The following IFRD1 variants were observed in gnomAD, a reference collection of about 807,000 sequenced individuals.
IFRD1 encodes interferon-related developmental regulator 1.
IFRD1 carries 35 observed loss-of-function variants against 52.9 expected under a neutral mutation model. The observed-to-expected ratio is 0.66, with a 90% CI of 0.51 to 0.88. The LOEUF (loss-of-function observed/expected upper bound fraction) is 0.88, where lower values mean the gene tolerates loss of function less well. Ranked by LOEUF, IFRD1 falls within the 40% of genes least tolerant of loss-of-function variation. The pLI is 0.00. For missense variants in IFRD1, 517 were observed against 550.8 expected (o/e 0.94, Z 0.61); for synonymous variants, 184 against 188.4 (o/e 0.98, Z 0.19).
chr7:112,447,908 TAAGTA>T (rs1267540846), upstream of IFRD1, among the ~76,000 whole-genome samples: 1 of 135,354 alleles, frequency 7.4e-6, no homozygotes, highest in East Asian at 1.9e-4. Flanking sequence ...TTTGTAGTGA[TAAGTA>T]GTTTCTCCCT....
At chr7:112,434,026 T>G (rs1794611402) in intron 1 of IFRD1, among the ~76,000 whole-genome samples, 1 of 152,048 alleles carries the variant, frequency 6.6e-6, no homozygotes, top group Non-Finnish European at 1.5e-5. Flanking sequence ...TTCGCCGTGT[T>G]GCCCAGGCTG....
intron 7 of IFRD1, 37 bp downstream of exon 7, chr7:112,462,216 A>T (rs1334433310): frequency 6.2e-7 from 1 of 1,610,528 alleles, no homozygotes; most frequent in Non-Finnish European, 8.5e-7. Flanking sequence ...TAAAAGCAAC[A>T]TTTAGTGGAC....
chr7:112,471,405 G>A, intron 9 of IFRD1, among the ~76,000 whole-genome samples: 1 of 152,164 alleles, frequency 6.6e-6, no homozygotes, highest in Non-Finnish European at 1.5e-5. Flanking sequence ...AAGGGGCTGA[G>A]GTAGATGTCT....
chr7:112,462,439 C>G, intron 8 of IFRD1, 61 bp downstream of exon 8: 1 of 1,137,248 alleles, frequency 8.8e-7, no homozygotes, highest in East Asian at 2.4e-5. Flanking sequence ...TCCATCATTA[C>G]CTTGCAATTG....
At chr7:112,468,329 G>A (rs1374766094) in intron 9 of IFRD1, among the ~76,000 whole-genome samples, 1 of 149,756 alleles carries the variant, frequency 6.7e-6, no homozygotes, top group Non-Finnish European at 1.5e-5. Flanking sequence ...CTTTATTTTA[G>A]TTTTTTTTCT....
chr7:112,445,124 T>G (rs1232905800), intron 1 of IFRD1, among the ~76,000 whole-genome samples: 2 of 145,040 alleles, frequency 1.4e-5, no homozygotes, highest in South Asian at 2.2e-4. Flanking sequence ...TGGAGTGCAG[T>G]GGCGCAATCT....
upstream of IFRD1, among the ~76,000 whole-genome samples, chr7:112,446,728 A>G (rs1390982412): frequency 6.6e-6 from 1 of 152,150 alleles, no homozygotes; most frequent in Non-Finnish European, 1.5e-5. Context: ...GAGCTGTTGC[A>G]AGTCTTAAGT....
chr7:112,458,248 T>A (rs1288858062), intron 4 of IFRD1: 1 of 153,060 alleles, frequency 6.5e-6, no homozygotes, highest in Non-Finnish European at 1.5e-5. Flanking sequence ...TTAATTTATA[T>A]GTACCTTTAT....
chr7:112,424,653 G>A (rs1364150635), intron 1 of IFRD1, among the ~76,000 whole-genome samples: 1 of 152,066 alleles, frequency 6.6e-6, no homozygotes, highest in African/African-American at 2.4e-5. Context: ...GACCTCAGGT[G>A]ATCCACCCGC....
intron 1 of IFRD1, chr7:112,452,469 G>A (rs1390294327): frequency 2.0e-6 from 2 of 981,964 alleles, no homozygotes; most frequent in African/African-American, 1.7e-5. Context: ...CTGTGTTTCA[G>A]CTTTTCCTCA....
intron 5 of IFRD1, among the ~76,000 whole-genome samples, chr7:112,460,680 A>G (rs1795413141): frequency 6.6e-6 from 1 of 152,096 alleles, no homozygotes; most frequent in Admixed American, 6.6e-5. Context: ...TTAGATTTTA[A>G]CAGTGTCCAA....
At chr7:112,447,320 T>C (rs181751280), upstream of IFRD1, among the ~76,000 whole-genome samples, 22 of 152,358 alleles carry the variant, frequency 1.4e-4, no homozygotes, top group Non-Finnish European at 8.8e-5. Context: ...ACTTAAATGT[T>C]GAGGCAGCAC....
At chr7:112,456,763 A>G in intron 3 of IFRD1, 151 bp from the exon 4 acceptor site, 2 of 718,666 alleles carry the variant, frequency 2.8e-6, no homozygotes, top group Admixed American at 5.5e-5. Flanking sequence ...TGGAAATTAA[A>G]TTATATTATT....
chr7:112,448,125 T>TA (rs1563262635), upstream of IFRD1, among the ~76,000 whole-genome samples: 330 of 55,068 alleles, frequency 6.0e-3, 2 homozygotes, highest in African/African-American at 0.017. Context: ...GCCTGTAGAT[T>TA]TAAAAAAAAA....
At chr7:112,430,943 G>C (rs1354105706) in intron 1 of IFRD1, among the ~76,000 whole-genome samples, 1 of 152,220 alleles carries the variant, frequency 6.6e-6, no homozygotes, top group East Asian at 1.9e-4. Context: ...AGGCCAGTGA[G>C]AGTGGAAGGA....
chr7:112,472,973 T>C, intron 11 of IFRD1, 112 bp downstream of exon 11: 1 of 749,608 alleles, frequency 1.3e-6, no homozygotes, highest in Non-Finnish European at 2.4e-6. Flanking sequence ...TTTTTCATGA[T>C]GCTTCACATA....
At chr7:112,425,788 C>A (rs545004311) in intron 1 of IFRD1, among the ~76,000 whole-genome samples, 1 of 152,258 alleles carries the variant, frequency 6.6e-6, no homozygotes, top group East Asian at 1.9e-4. Flanking sequence ...TGGGGCACTA[C>A]TCCTTCAAGA....
chr7:112,455,774 C>A lies in IFRD1; in HGVS notation c.106C>A (p.Arg36=). ...ATAATAGGQH[R]NVQPFSDEDA... Reference sequence around the variant, plus strand: ...CTTTTACCTAATAGGTGGCCAGCATCGAAATGTTCAGCCTTTTAGTGATGA... The same window carrying A: ...CTTTTACCTAATAGGTGGCCAGCATAGAAATGTTCAGCCTTTTAGTGATGA... The change falls in exon 2 of 12, where the codon CGA becomes AGA. Residue 36 remains arginine, a synonymous_variant. Transcript: ENST00000403825. 1 of 1,608,418 alleles carries A rather than the reference C, an allele frequency of 6.2e-7. No individual in the cohort carries two copies. The highest frequency in any genetic ancestry group is 8.5e-7 in the Non-Finnish European group (1 of 1,175,032).
chr7:112,462,205 A>G (rs768040094), intron 7 of IFRD1, 26 bp downstream of exon 7: 2 of 1,612,196 alleles, frequency 1.2e-6, no homozygotes, highest in African/African-American at 2.7e-5. Flanking sequence ...TTCATATTTT[A>G]TAAAAGCAAC....
Sources: allele counts gnomAD v4.1 joint callset (sites outside exome capture counted in the v4.1 genomes callset), GRCh38; gene constraint gnomAD v4.1.1; transcripts MANE v1.5; gene names NCBI Gene and HGNC (gene_info 2026-07-23, HGNC 2026-07-21).